ETNK1: variants seen among roughly 807,000 people sequenced by gnomAD.
ETNK1 encodes the protein putative protein product of Nbla10396.
In ETNK1, 8 loss-of-function variants were observed where a neutral mutation model predicts 45.1. That is an observed-to-expected ratio of 0.18 (90% CI 0.10 to 0.32). The LOEUF (loss-of-function observed/expected upper bound fraction) is 0.32. Among genes scored for constraint, ETNK1 ranks in the 10% least tolerant of loss-of-function variants. ETNK1 has a pLI of 1.00. For missense variants in ETNK1, 302 were observed against 430.6 expected (o/e 0.70, Z 2.64); for synonymous variants, 152 against 151.9 (o/e 1.00, Z -0.01).
In ETNK1 at chr12:22,649,565, C is replaced by T. The variant is rs12299356; in HGVS notation, c.416+5543C>T. 9.1e-3 allele frequency among the ~76,000 whole-genome samples: 1,381 copies of T among 152,094 alleles called. 19 individuals are homozygous for T. The highest frequency in any genetic ancestry group is 0.032 in the African/African-American group (1,316 of 41,506). Reference sequence around the variant, plus strand: ...TTCTGGGTTCTCTATTCTGTTTCTTCATCTGTTTGTCTAATCTTTTGCAGA... The same window carrying T: ...TTCTGGGTTCTCTATTCTGTTTCTTTATCTGTTTGTCTAATCTTTTGCAGA... On this transcript the variant is annotated intron_variant, in intron 2 of 7. Coordinates refer to ENST00000266517, the MANE Select transcript of ETNK1 (RefSeq NM_018638.5).
At chr12:22,656,839 A>G (rs1953948058) in intron 2 of ETNK1, 3 of 972,438 alleles carry the variant, frequency 3.1e-6, no homozygotes, top group Non-Finnish European at 3.7e-6. Flanking sequence ...ACGCCCTCCT[A>G]AATCATCTGT....
Position 22,661,131 on chromosome 12 carries a change from C to T in ETNK1, c.626C>T (p.Ser209Phe), listed in dbSNP as rs1953994871. 6.2e-7 allele frequency: 1 copy of T among 1,612,564 alleles called. No individual in the cohort carries two copies. Among genetic ancestry groups the T allele is most frequent in the Admixed American group, 1.7e-5 (1 of 59,636 alleles). ...EEMTWMKEIL[S>F]NLGSPVVLCH... ...ATGACTTGGATGAAGGAGATTCTTT[C>T]CAACCTGGGCTCACCTGTTGTGCTT... The change falls in exon 4 of 8, where the codon TCC (serine) becomes TTC (phenylalanine). Residue 209 changes from serine to phenylalanine, a missense_variant. Around this residue, in one of 3 missense-constraint regions of ETNK1, gnomAD observed 205 missense variants for 259.9 expected, o/e 0.79. Coordinates refer to ENST00000266517, the MANE Select transcript of ETNK1 (RefSeq NM_018638.5).
chr12:22,644,592 A>C (rs2137535799), intron 2 of ETNK1: 1 of 207,548 alleles, frequency 4.8e-6, no homozygotes, highest in East Asian at 1.1e-4. Flanking sequence ...AGGTTAGACC[A>C]GCAGTTTGCA....
chr12:22,678,108 C>T (rs993607463), intron 6 of ETNK1, among the ~76,000 whole-genome samples: 5 of 152,076 alleles, frequency 3.3e-5, no homozygotes, highest in African/African-American at 1.2e-4. Flanking sequence ...TTTAGCTAGC[C>T]GTTTACCTTC....
At chr12:22,633,861 C>G (rs1487210883) in intron 1 of ETNK1, among the ~76,000 whole-genome samples, 1 of 151,946 alleles carries the variant, frequency 6.6e-6, no homozygotes, top group Admixed American at 6.6e-5. Context: ...TTCACACACT[C>G]TAAAGGTTTT....
At chr12:22,681,038 C>T (rs1227803339) in intron 6 of ETNK1, among the ~76,000 whole-genome samples, 1 of 151,990 alleles carries the variant, frequency 6.6e-6, no homozygotes, top group Non-Finnish European at 1.5e-5. Flanking sequence ...ATATCCATAA[C>T]TTCCAAATGT....
intron 5 of ETNK1, among the ~76,000 whole-genome samples, chr12:22,671,743 G>C (rs1199504398): frequency 6.6e-6 from 1 of 151,376 alleles, no homozygotes; most frequent in Non-Finnish European, 1.5e-5. Flanking sequence ...GGAGGCTGAG[G>C]CAGGAGAATG....
chr12:22,638,397 A>G (rs1953683262), intron 1 of ETNK1: 1 of 152,032 alleles, frequency 6.6e-6, no homozygotes, highest in Non-Finnish European at 1.5e-5. Flanking sequence ...AATTACAGGC[A>G]TGAAACACCA....
At chr12:22,672,987 A>G (rs1208200322) in intron 5 of ETNK1, among the ~76,000 whole-genome samples, 1 of 152,198 alleles carries the variant, frequency 6.6e-6, no homozygotes, top group Non-Finnish European at 1.5e-5. Flanking sequence ...GAAATGTAGT[A>G]TCAGCTGGTT....
In ETNK1 at chr12:22,659,107, T is replaced by C. The variant is rs766248050; in HGVS notation, c.510T>C (p.Tyr170=). ...ATCTTTGGCTAAAGATGGGAAAGTA[T>C]TTCTCTCTCATTCCCACAGGATTTG... The part of the protein sequence containing the change: ...KSNLWLKMGK[Y]FSLIPTGFAD... Residue 170 remains tyrosine, a synonymous_variant, in exon 3 of 8, where the codon TAT becomes TAC. Transcript: ENST00000266517. The C allele has an allele frequency of 6.2e-7, 1 of 1,613,758 alleles. No individual in the cohort carries two copies. The highest frequency in any genetic ancestry group is 8.5e-7 in the Non-Finnish European group (1 of 1,179,712).
intron 5 of ETNK1, 105 bp downstream of exon 5, chr12:22,671,460 C>T (rs1954106087): frequency 5.1e-6 from 4 of 785,218 alleles, no homozygotes; most frequent in Admixed American, 2.3e-5. Flanking sequence ...CATTTTCCCA[C>T]GTGTTGTTGA....
In ETNK1 at chr12:22,686,841, A is replaced by G. The variant is rs1192069391; in HGVS notation, c.*1887A>G. The G allele has an allele frequency of 7.0e-6, 1 of 141,880 alleles. No individual in the cohort carries two copies. Among genetic ancestry groups the G allele is most frequent in the Non-Finnish European group, 1.5e-5 (1 of 65,726 alleles). 8.8% of individuals were successfully genotyped at this position (141,880 alleles called of 1,614,324 possible). A position where few individuals can be genotyped will look rare whatever the true frequency, so the allele number is the denominator to read the frequency against. On this transcript the variant is annotated 3_prime_UTR_variant, in exon 8 of 8. Transcript: ENST00000266517. ...TTCATAAAACAGATAAAGAATGTGT[A>G]ATACTCTTAATTTTTTTTTTTTTTT...
chr12:22,676,672 T>TATA (rs936853334), intron 6 of ETNK1, among the ~76,000 whole-genome samples: 3 of 152,106 alleles, frequency 2.0e-5, no homozygotes, highest in African/African-American at 7.2e-5. Flanking sequence ...CGGCATCTAT[T>TATA]GTTTCCTGAC....
chr12:22,678,736 C>G (rs929067119), intron 6 of ETNK1, among the ~76,000 whole-genome samples: 2 of 152,316 alleles, frequency 1.3e-5, no homozygotes, highest in African/African-American at 4.8e-5. Context: ...TAGGAGAGAT[C>G]CATGAAGACA....
chr12:22,682,271 C>G lies in ETNK1; in HGVS notation c.946-2212C>G, dbSNP rs532608748. The G allele has an allele frequency of 1.8e-5, 9 of 494,168 alleles. No individual in the cohort carries two copies. The Middle Eastern group carries it at 1.0e-3, about 56-fold the overall frequency. The allele number at this position is 494,168 out of a possible 1,614,324, so 30.6% of individuals were successfully genotyped here. Reference sequence around the variant, plus strand: ...AATCACATAAAACTTTTCTCATGTTCTAATTTTAGGGTGAAAACTTGAATT... The same window carrying G: ...AATCACATAAAACTTTTCTCATGTTGTAATTTTAGGGTGAAAACTTGAATT... On this transcript the variant is annotated intron_variant, in intron 6 of 7. Coordinates refer to ENST00000266517, the MANE Select transcript of ETNK1 (RefSeq NM_018638.5).
intron 2 of ETNK1, 88 bp from the exon 3 acceptor site, chr12:22,658,921 AGACTG>A: frequency 7.6e-7 from 1 of 1,318,158 alleles, no homozygotes; most frequent in Middle Eastern, 2.3e-4. Flanking sequence ...AAGATTCGGG[AGACTG>A]ACTAAAGTTT....
At chr12:22,635,213 G>T (rs983281679) in intron 1 of ETNK1, among the ~76,000 whole-genome samples, 3 of 152,198 alleles carry the variant, frequency 2.0e-5, no homozygotes, top group Admixed American at 2.0e-4. Flanking sequence ...TTTACACTCA[G>T]TGTGTCCTCC....
chr12:22,629,293 A>G (rs1953544706), intron 1 of ETNK1, among the ~76,000 whole-genome samples: 1 of 152,164 alleles, frequency 6.6e-6, no homozygotes, highest in Admixed American at 6.5e-5. Flanking sequence ...TTACCCAAGA[A>G]GTTTAAAAAA....
intron 6 of ETNK1, among the ~76,000 whole-genome samples, chr12:22,675,298 T>C (rs1490593449): frequency 1.3e-5 from 2 of 152,052 alleles, no homozygotes; most frequent in Non-Finnish European, 2.9e-5. Flanking sequence ...GCCTAAGTGA[T>C]TCTTCCCGGC....
Sources: gnomAD v4.1 joint callset for allele counts (sites outside exome capture counted in the v4.1 genomes callset) on GRCh38, gnomAD v4.1.1 for gene constraint, gnomAD v4.1.1 regional missense constraint, MANE v1.5 for transcripts, NCBI Gene and HGNC (gene_info 2026-07-23, HGNC 2026-07-21) for gene names.